AKAP12: variants seen among roughly 807,000 people sequenced by gnomAD.
AKAP12 encodes the protein A-kinase anchor protein 12.
A neutral mutation model predicts 79.9 loss-of-function variants in AKAP12; 32 were observed. The observed-to-expected ratio is 0.40, with a 90% confidence interval of 0.30 to 0.54. The LOEUF (loss-of-function observed/expected upper bound fraction) is 0.54. AKAP12 is among the 20% of genes least tolerant of loss of function. The probability of loss-of-function intolerance (pLI) is 0.48; values close to 1 mark genes in which losing one functional copy is unlikely to be tolerated. For missense variants in AKAP12, 2,074 were observed against 2,177.0 expected (o/e 0.95, Z 0.94); for synonymous variants, 808 against 857.0 (o/e 0.94, Z 1.00).
chr6:151,241,682 TGATACCCTTGTATCACAAA>T (rs1440887629), intron 2 of AKAP12, among the ~76,000 whole-genome samples: 2 of 152,286 alleles, frequency 1.3e-5, no homozygotes, highest in Admixed American at 1.3e-4. Context: ...ACTGATTTTG[TGATACCCTTGTATCACAAA>T]GGTACCCTTG....
intron 2 of AKAP12, among the ~76,000 whole-genome samples, chr6:151,242,440 A>G (rs6557123): frequency 0.32 from 48,852 of 152,210 alleles, 8,859 homozygotes; most frequent in Non-Finnish European, 0.4. Flanking sequence ...CACTTAAATG[A>G]CATCCAGAAT....
Position 151,351,522 on chromosome 6 carries a change from A to G in AKAP12, c.3131A>G (p.Gln1044Arg), listed in dbSNP as rs1411711744. The change falls in exon 4 of 5, where the codon CAG (glutamine) becomes CGG (arginine). Residue 1044 changes from glutamine (Q) to arginine (R), a missense_variant. Transcript: ENST00000402676. This position sits in a 1 kb window ranked among gnomAD's most constrained non-coding sequence, Gnocchi z 4.4. Reference sequence around the variant, plus strand: ...GAGAGGCGGACTCAAGAGGTCCTCCAGGCAGTGGCAGAAAAAGTGAAAGAG... The same window carrying G: ...GAGAGGCGGACTCAAGAGGTCCTCCGGGCAGTGGCAGAAAAAGTGAAAGAG... ...EQERRTQEVL[Q>R]AVAEKVKEES... The G allele has an allele frequency of 6.2e-7, 1 of 1,614,208 alleles. No individual in the cohort carries two copies.
intron 2 of AKAP12, among the ~76,000 whole-genome samples, chr6:151,255,172 GT>G (rs66882507): frequency 7.4e-5 from 11 of 149,154 alleles, no homozygotes; most frequent in Admixed American, 6.7e-4. Context: ...AAATGTTTTT[GT>G]TTTTTTTTTG....
At chr6:151,289,641 A>G (rs932297224) in intron 2 of AKAP12, among the ~76,000 whole-genome samples, 1 of 152,172 alleles carries the variant, frequency 6.6e-6, no homozygotes, top group African/African-American at 2.4e-5. Flanking sequence ...TTATTGAGTA[A>G]TTTTGTTAAA....
chr6:151,305,837 AAAGGAGCCCTGAACGGTC>A lies in AKAP12; in HGVS notation c.264_281del (p.Gly90_Asn95del). 1 of 1,614,098 alleles carries A rather than the reference AAAGGAGCCCTGAACGGTC, an allele frequency of 6.2e-7. No individual in the cohort carries two copies. The highest frequency in any genetic ancestry group is 8.5e-7 in the Non-Finnish European group (1 of 1,180,000). On this transcript the variant is annotated inframe_deletion, in exon 3 of 5. Transcript: ENST00000402676. ...CCAGGAGGGTGACCTAAATGGCCAG[AAAGGAGCCCTGAACGGTC>A]AAGGAGCCCTAAACAGCCAGGAGGA... is the stretch of plus-strand genomic sequence containing the variant.
chr6:151,321,912 T>TTGTTTTTG (rs1562738033), intron 3 of AKAP12, among the ~76,000 whole-genome samples: 2,981 of 143,434 alleles, frequency 0.021, 111 homozygotes, highest in African/African-American at 0.076. Flanking sequence ...TGTTTTTTTT[T>TTGTTTTTG]TTTTTTTTTT....
At chr6:151,261,814 A>G (rs953553952) in intron 2 of AKAP12, among the ~76,000 whole-genome samples, 4 of 146,542 alleles carry the variant, frequency 2.7e-5, no homozygotes, top group African/African-American at 9.9e-5. Flanking sequence ...GTGGAGTGCA[A>G]TGGCGTGAGC....
intron 2 of AKAP12, among the ~76,000 whole-genome samples, chr6:151,255,421 A>G (rs1797273252): frequency 6.6e-6 from 1 of 151,992 alleles, no homozygotes; most frequent in Non-Finnish European, 1.5e-5. Context: ...TCGGCTTCCC[A>G]AAGTGCTGGG....
chr6:151,351,027 A>G lies in AKAP12; in HGVS notation c.2636A>G (p.Glu879Gly), dbSNP rs765129383. ...AEQPEQKAAT[E>G]VSKELSESQV... is the part of the protein sequence containing the mutation. ...CAGCCCGAGCAGAAGGCAGCCACTGAGGTGTCCAAGGAGCTCAGCGAGAGT... is the reference window on the plus strand; with the variant it reads ...CAGCCCGAGCAGAAGGCAGCCACTGGGGTGTCCAAGGAGCTCAGCGAGAGT... Residue 879 changes from glutamate to glycine, a missense_variant, in exon 4 of 5, where the codon GAG becomes GGG. Physicochemically the swap from Glu to Gly is moderately conservative, Grantham distance 98. Around this residue, in one of 3 missense-constraint regions of AKAP12, gnomAD observed 1,428 missense variants for 1,451.0 expected, o/e 0.98. Transcript: ENST00000402676. The surrounding 1 kb of genome is among the most constrained non-coding windows in gnomAD (Gnocchi z 4.4). 1 of 1,614,118 alleles carries G rather than the reference A, an allele frequency of 6.2e-7. No individual in the cohort carries two copies. The highest frequency in any genetic ancestry group is 8.5e-7 in the Non-Finnish European group (1 of 1,180,024).
intron 2 of AKAP12, among the ~76,000 whole-genome samples, chr6:151,245,989 C>T (rs998807158): frequency 1.1e-4 from 16 of 152,144 alleles, no homozygotes; most frequent in Admixed American, 9.8e-4. Flanking sequence ...TGCCCCCATT[C>T]TTATTAATTT....
At chr6:151,355,334 CG>C (rs1394812041) in intron 4 of AKAP12, among the ~76,000 whole-genome samples, 1 of 150,622 alleles carries the variant, frequency 6.6e-6, no homozygotes, top group Non-Finnish European at 1.5e-5. Flanking sequence ...GACAGAATCT[CG>C]CTCTGTCGCC....
chr6:151,341,459 A>AC lies in AKAP12; in HGVS notation c.320-7248dup, dbSNP rs1012239767. On this transcript the variant is annotated intron_variant, in intron 3 of 4. Coordinates refer to ENST00000402676, the MANE Select transcript of AKAP12 (RefSeq NM_005100.4). The stretch of plus-strand genomic sequence containing the variant: ...CCTCAGCAGGCTTGGGTTTGAAGAG[A>AC]CCCCACTGGGGCGGTCCGCAGGACC... Among the ~76,000 whole-genome samples the AC allele has an allele frequency of 6.4e-4, 97 of 151,734 alleles. 4 individuals are homozygous for AC. Among genetic ancestry groups the AC allele is most frequent in the Non-Finnish European group, 4.6e-4 (31 of 67,896 alleles).
At position 151,353,195 on chromosome 6, in the gene AKAP12, C is replaced by G; in HGVS notation, c.4804C>G (p.Gln1602Glu). Residue 1602 changes from glutamine (Q) to glutamate (E), a missense_variant, in exon 4 of 5, where the codon CAG becomes GAG. This residue lies in a region of AKAP12 where 614 missense variants were observed against 665.6 expected (regional missense o/e 0.92). Coordinates refer to ENST00000402676, the MANE Select transcript of AKAP12 (RefSeq NM_005100.4). ...QETEKEGEEP[Q>E]ASAQDETPIT... ...AACGGAGAAAGAAGGAGAGGAACCT[C>G]AGGCCTCTGCACAGGATGAAACACC... 3.7e-6 allele frequency: 6 copies of G among 1,614,166 alleles called. No individual in the cohort carries two copies. Among genetic ancestry groups the G allele is most frequent in the Non-Finnish European group, 5.1e-6 (6 of 1,180,020 alleles).
chr6:151,268,962 T>G (rs796724479), intron 2 of AKAP12, among the ~76,000 whole-genome samples: 21,443 of 129,000 alleles, frequency 0.17, 2,370 homozygotes, highest in Admixed American at 0.33. Flanking sequence ...TTTTTTTTTT[T>G]TTTTTTTTTT....
At chr6:151,245,103 A>T (rs575501584) in intron 2 of AKAP12, among the ~76,000 whole-genome samples, 2 of 152,310 alleles carry the variant, frequency 1.3e-5, no homozygotes, top group South Asian at 4.1e-4. Context: ...TTTTGTTTTT[A>T]AAAATGCTAA....
chr6:151,268,567 C>T (rs553300674), intron 2 of AKAP12, among the ~76,000 whole-genome samples: 2 of 152,304 alleles, frequency 1.3e-5, no homozygotes, highest in South Asian at 4.1e-4. Flanking sequence ...TAACCAAATA[C>T]CCATATTATA....
At chr6:151,241,382 G>T (rs976476680) in intron 2 of AKAP12, among the ~76,000 whole-genome samples, 3 of 152,220 alleles carry the variant, frequency 2.0e-5, no homozygotes, top group Admixed American at 6.5e-5. Context: ...GACAGGTTTC[G>T]CAAACCAGCC....
In AKAP12 at chr6:151,353,174, G is replaced by A. The variant is rs753033528; in HGVS notation, c.4783G>A (p.Glu1595Lys). 10 of 1,614,144 alleles carry A rather than the reference G, an allele frequency of 6.2e-6. No individual in the cohort carries two copies. Among genetic ancestry groups the A allele is most frequent in the Non-Finnish European group, 6.8e-6 (8 of 1,180,032 alleles). The change falls in exon 4 of 5, where the codon GAG becomes AAG. Residue 1595 changes from glutamate (E) to lysine (K), a missense_variant. Physicochemically the swap from Glu to Lys is moderately conservative, Grantham distance 56 (BLOSUM62 1). Coordinates refer to ENST00000402676, the MANE Select transcript of AKAP12 (RefSeq NM_005100.4). Reference sequence around the variant, plus strand: ...CAGCCAGGACGCTGGACAGGAAACGGAGAAAGAAGGAGAGGAACCTCAGGC... The same window carrying A: ...CAGCCAGGACGCTGGACAGGAAACGAAGAAAGAAGGAGAGGAACCTCAGGC... ...ADSQDAGQET[E>K]KEGEEPQASA...
rs1468688482 is a variant in AKAP12, at chr6:151,350,262, G to T, written c.1871G>T (p.Arg624Ile). 1.2e-6 allele frequency: 2 copies of T among 1,614,076 alleles called. No homozygotes were observed. The highest frequency in any genetic ancestry group is 3.3e-5 in the Admixed American group (2 of 60,016). The change falls in exon 4 of 5, where the codon AGA becomes ATA. Residue 624 changes from arginine to isoleucine, a missense_variant. Transcript: ENST00000402676. This position sits in a 1 kb window ranked among gnomAD's most constrained non-coding sequence, Gnocchi z 4.8. Reference protein sequence around the residue: ...KKMVTPKKRVRRPSESDKEDE... With the variant: ...KKMVTPKKRVIRPSESDKEDE... ...ATGGTGACGCCCAAGAAGCGTGTTA[G>T]ACGGCCTTCGGAAAGTGATAAAGAA...
Sources: allele counts gnomAD v4.1 joint callset (sites outside exome capture counted in the v4.1 genomes callset), GRCh38; gene constraint gnomAD v4.1.1; regional missense constraint gnomAD v4.1.1; non-coding constraint Gnocchi (gnomAD v3.1); transcripts MANE v1.5; gene names NCBI Gene and HGNC (gene_info 2026-07-23, HGNC 2026-07-21).